The following FRYL variants were observed in gnomAD, a reference collection of about 807,000 sequenced individuals.
FRYL encodes FRY like transcription coactivator.
FRYL carries 150 observed loss-of-function variants against 351.2 expected under a neutral mutation model. The ratio of observed to expected loss-of-function variants is 0.43; its 90% CI spans 0.37 to 0.49. FRYL has a LOEUF of 0.49. FRYL is among the 20% of genes least tolerant of loss of function. FRYL has a pLI of 0.00. For synonymous variants in FRYL, 1,153 were observed against 1,257.1 expected, an observed-to-expected ratio of 0.92 and a Z score of 1.75; for missense variants, 3,036 against 3,619.3, an observed-to-expected ratio of 0.84 and a Z score of 4.13.
chr4:48,505,763 A>G (rs1720773735), intron 59 of FRYL, 148 bp from the exon 60 acceptor site: 2 of 551,804 alleles, frequency 3.6e-6, no homozygotes, highest in South Asian at 2.7e-5. Context: ...AGCCAAATCA[A>G]TCATTTATAT....
intron 9 of FRYL, among the ~76,000 whole-genome samples, chr4:48,607,338 A>G (rs1441232632): frequency 6.6e-6 from 1 of 152,230 alleles, no homozygotes; most frequent in African/African-American, 2.4e-5. Context: ...CACTGACTAC[A>G]GTGAGAAGAA....
intron 3 of FRYL, among the ~76,000 whole-genome samples, chr4:48,656,383 T>TTATATAATATATACTA (rs1560799864): frequency 9.4e-5 from 12 of 127,172 alleles, no homozygotes; most frequent in Admixed American, 1.8e-4. Flanking sequence ...ACTAAATATA[T>TTATATAATATATACTA]AATATATAAT....
intron 7 of FRYL, among the ~76,000 whole-genome samples, chr4:48,611,728 C>T (rs1748245980): frequency 6.6e-6 from 1 of 151,998 alleles, no homozygotes; most frequent in African/African-American, 2.4e-5. Flanking sequence ...TTTGAAGTAA[C>T]TGTATTTTTA....
intron 1 of FRYL, among the ~76,000 whole-genome samples, chr4:48,728,809 CAGA>C (rs1184463106): frequency 2.0e-5 from 3 of 152,156 alleles, no homozygotes; most frequent in African/African-American, 7.2e-5. Flanking sequence ...AAGATCAACG[CAGA>C]AGATGGTGAT....
intron 30 of FRYL, among the ~76,000 whole-genome samples, chr4:48,564,724 GA>G (rs1255942347): frequency 6.6e-6 from 1 of 152,136 alleles, no homozygotes. Flanking sequence ...TATAAAAAGG[GA>G]AATGAAAATT....
chr4:48,662,493 C>A (rs1315844593), intron 3 of FRYL, among the ~76,000 whole-genome samples: 2 of 151,280 alleles, frequency 1.3e-5, no homozygotes, highest in African/African-American at 4.9e-5. Flanking sequence ...AAATAATGAT[C>A]AAAAAATTTC....
chr4:48,654,298 C>CAAAAAAAAAAAAA (rs34418324), intron 3 of FRYL, among the ~76,000 whole-genome samples: 2 of 123,626 alleles, frequency 1.6e-5, no homozygotes, highest in African/African-American at 3.4e-5. Context: ...AATAGCTGAT[C>CAAAAAAAAAAAAA]AAAAAAAAAA....
rs546046534 is a variant in FRYL, at chr4:48,690,547, C to T, written c.-203-5752G>A. Among the ~76,000 whole-genome samples the T allele has an allele frequency of 7.5e-4, 114 of 152,220 alleles. No individual in the cohort carries two copies. In the Middle Eastern group the frequency reaches 0.014, roughly 18 times the overall value. ...AAGTCTCTGGAAGATGATACGCCCA[C>T]GAGAAACACACAATAAATCTTTAAC... On this transcript the variant is annotated intron_variant, in intron 2 of 63. Transcript: ENST00000358350.
chr4:48,578,657 C>T (rs1740214868), intron 23 of FRYL, among the ~76,000 whole-genome samples: 1 of 152,214 alleles, frequency 6.6e-6, no homozygotes, highest in South Asian at 2.1e-4. Flanking sequence ...TCTGTGTCTA[C>T]ATCCATACTC....
Position 48,549,434 on chromosome 4 carries a change from A to C in FRYL, c.4784+39T>G. The C allele has an allele frequency of 6.4e-7, 1 of 1,567,744 alleles. No homozygotes were observed. The highest frequency in any genetic ancestry group is 8.7e-7 in the Non-Finnish European group (1 of 1,153,590). On this transcript the variant is annotated intron_variant, in intron 39 of 63. Coordinates refer to ENST00000358350, the MANE Select transcript of FRYL (RefSeq NM_015030.2). This position sits in a 1 kb window ranked among gnomAD's most constrained non-coding sequence, Gnocchi z 4.2. ...AGAAAGCCGACAGTGTTCAGCAGCA[A>C]CTTGGTGCATATGTAAAAGGAATGA...
intron 45 of FRYL, among the ~76,000 whole-genome samples, chr4:48,541,758 C>T (rs1243726375): frequency 6.6e-6 from 1 of 152,084 alleles, no homozygotes; most frequent in East Asian, 1.9e-4. Context: ...GGGGGAGAAA[C>T]AGGATGCTGA....
intron 37 of FRYL, 123 bp downstream of exon 37, chr4:48,551,371 A>G: frequency 3.6e-6 from 2 of 560,652 alleles, no homozygotes; most frequent in East Asian, 6.2e-5. Flanking sequence ...ATGGAAATAT[A>G]TTTTTTTCAC....
In FRYL at chr4:48,538,809, T is replaced by A. The variant is rs370494965; in HGVS notation, c.6393+1162A>T. On this transcript the variant is annotated intron_variant, in intron 47 of 63. Coordinates refer to ENST00000358350, the MANE Select transcript of FRYL (RefSeq NM_015030.2). ...CCAGTTCACCAAATTTCCTATTACA[T>A]GTATGCTACTTGTAAATTTATATAA... Among the ~76,000 whole-genome samples the A allele has an allele frequency of 2.6e-4, 40 of 152,260 alleles. No individual in the cohort carries two copies. The South Asian group carries it at 7.9e-3, about 30-fold the overall frequency.
intron 4 of FRYL, among the ~76,000 whole-genome samples, chr4:48,633,067 G>A (rs906232752): frequency 6.6e-6 from 1 of 152,122 alleles, no homozygotes; most frequent in African/African-American, 2.4e-5. Flanking sequence ...AGTTTCAGCT[G>A]TTACAACATC....
intron 3 of FRYL, among the ~76,000 whole-genome samples, chr4:48,639,910 G>A (rs1218530723): frequency 6.6e-6 from 1 of 152,088 alleles, no homozygotes; most frequent in Non-Finnish European, 1.5e-5. Context: ...ATGAAAAGAT[G>A]TGCAACCTCA....
intron 1 of FRYL, among the ~76,000 whole-genome samples, chr4:48,774,697 C>A (rs1262839842): frequency 6.6e-6 from 1 of 152,034 alleles, no homozygotes; most frequent in Non-Finnish European, 1.5e-5. Context: ...AGGCATGTGC[C>A]ACCACACCCG....
At chr4:48,741,985 C>T (rs1036228237) in intron 1 of FRYL, among the ~76,000 whole-genome samples, 2 of 152,076 alleles carry the variant, frequency 1.3e-5, no homozygotes, top group African/African-American at 4.8e-5. Context: ...TGTACAACAC[C>T]AAAGAGTGAG....
intron 1 of FRYL, among the ~76,000 whole-genome samples, chr4:48,741,433 A>G (rs1772051860): frequency 6.6e-6 from 1 of 152,134 alleles, no homozygotes; most frequent in South Asian, 2.1e-4. Context: ...CCAGCTACTC[A>G]GGAGGCTGAG....
chr4:48,622,072 T>C (rs938430114), intron 5 of FRYL, among the ~76,000 whole-genome samples: 3 of 152,274 alleles, frequency 2.0e-5, no homozygotes, highest in Admixed American at 6.5e-5. Flanking sequence ...AAACAGTTTA[T>C]ACCACACAGA....
Sources: allele counts gnomAD v4.1 joint callset (sites outside exome capture counted in the v4.1 genomes callset), GRCh38; gene constraint gnomAD v4.1.1; non-coding constraint Gnocchi (gnomAD v3.1); transcripts MANE v1.5; gene names NCBI Gene and HGNC (gene_info 2026-07-23, HGNC 2026-07-21).